Variants in TMT1A observed in about 807,000 individuals in gnomAD.
TMT1A encodes the protein thiol methyltransferase 1A.
chr12:50,931,056 A>G, the TMT1A span: 1 of 143,498 alleles, frequency 7.0e-6, no homozygotes, highest in East Asian at 2.0e-4. Flanking sequence ...CCCAAATCTT[A>G]TTTTATTCAT....
chr12:50,927,828 A>C, the TMT1A span, among the ~76,000 whole-genome samples: 1 of 152,030 alleles, frequency 6.6e-6, no homozygotes, highest in African/African-American at 2.4e-5. Flanking sequence ...GCAAATGCAA[A>C]TATTCCTTTT....
chr12:50,929,407 G>C, the TMT1A span, among the ~76,000 whole-genome samples: 1 of 152,150 alleles, frequency 6.6e-6, no homozygotes, highest in Non-Finnish European at 1.5e-5. Context: ...AAGAAGAGTG[G>C]TGCAGTTACC....
chr12:50,925,777 G>A, the TMT1A span, among the ~76,000 whole-genome samples: 2 of 151,948 alleles, frequency 1.3e-5, no homozygotes, highest in African/African-American at 2.4e-5. Flanking sequence ...AGTGGTTCAC[G>A]TCTGTAATCC....
At chr12:50,928,938 G>A in the TMT1A span, among the ~76,000 whole-genome samples, 1,242 of 152,052 alleles carry the variant, frequency 8.2e-3, 16 homozygotes, top group African/African-American at 0.028. Flanking sequence ...ATCCTATGAA[G>A]ATTTTTTTTA....
At chr12:50,925,559 G>A in the TMT1A span, 1 of 1,604,964 alleles carries the variant, frequency 6.2e-7, no homozygotes, top group Non-Finnish European at 8.5e-7. Flanking sequence ...GTGTGAGGAG[G>A]ACTAGTTAGT....
the TMT1A span, among the ~76,000 whole-genome samples, chr12:50,926,700 G>A: frequency 5.9e-5 from 9 of 152,224 alleles, no homozygotes; most frequent in African/African-American, 1.9e-4. Context: ...TAGGTAGAGC[G>A]TAGGCCCACC....
the TMT1A span, chr12:50,930,036 G>C: frequency 6.8e-6 from 11 of 1,614,024 alleles, no homozygotes; most frequent in Admixed American, 1.0e-4. Context: ...TGACCAGAGA[G>C]AGCTGGAAGG....
the TMT1A span, chr12:50,930,810 G>C: frequency 6.6e-6 from 1 of 152,222 alleles, no homozygotes; most frequent in South Asian, 2.1e-4. Context: ...TCAAATTCCT[G>C]ACCTCAGGTG....
chr12:50,928,301 C>T, the TMT1A span, among the ~76,000 whole-genome samples: 1 of 152,274 alleles, frequency 6.6e-6, no homozygotes, highest in East Asian at 1.9e-4. Flanking sequence ...CAGCTAGGTC[C>T]AGGTTCTTGT....
the TMT1A span, chr12:50,929,896 T>TTTTTTTTTTTTTTTTATG: frequency 6.4e-7 from 1 of 1,553,428 alleles, no homozygotes; most frequent in Non-Finnish European, 8.7e-7. Flanking sequence ...AATGTTTTTT[T>TTTTTTTTTTTTTTTTATG]TTTTCTTTCT....
At chr12:50,928,244 C>T in the TMT1A span, among the ~76,000 whole-genome samples, 1 of 152,224 alleles carries the variant, frequency 6.6e-6, no homozygotes. Flanking sequence ...CCATCTCCTA[C>T]CACTGGGGTT....
At chr12:50,927,419 A>G in the TMT1A span, among the ~76,000 whole-genome samples, 1 of 152,220 alleles carries the variant, frequency 6.6e-6, no homozygotes, top group Admixed American at 6.5e-5. Flanking sequence ...GTCTTGGCTC[A>G]ATATCAGAGT....
chr12:50,929,450 C>T, the TMT1A span, among the ~76,000 whole-genome samples: 2 of 152,184 alleles, frequency 1.3e-5, no homozygotes, highest in African/African-American at 4.8e-5. Context: ...TGGTCCCTTG[C>T]TCCTTACTCC....
At chr12:50,926,816 A>G in the TMT1A span, among the ~76,000 whole-genome samples, 2 of 152,202 alleles carry the variant, frequency 1.3e-5, no homozygotes, top group Non-Finnish European at 2.9e-5. Flanking sequence ...GGGGAATGGG[A>G]TTGGATTCAG....
chr12:50,928,205 A>G, the TMT1A span, among the ~76,000 whole-genome samples: 15 of 152,210 alleles, frequency 9.9e-5, no homozygotes, highest in Non-Finnish European at 1.6e-4. Context: ...CAACATTGCT[A>G]TCACTCTTGC....
At chr12:50,927,370 G>T in the TMT1A span, among the ~76,000 whole-genome samples, 1 of 152,160 alleles carries the variant, frequency 6.6e-6, no homozygotes, top group Non-Finnish European at 1.5e-5. Flanking sequence ...AGGAAGAAAA[G>T]AACTTGGAGA....
chr12:50,930,125 A>AT, the TMT1A span: 2 of 1,611,568 alleles, frequency 1.2e-6, no homozygotes, highest in Middle Eastern at 1.7e-4. Flanking sequence ...GTGCGCCCTC[A>AT]TATCTATGGA....
chr12:50,931,643 G>A, the TMT1A span: 204 of 144,664 alleles, frequency 1.4e-3, 1 homozygote, highest in African/African-American at 4.9e-3. Flanking sequence ...CCCAGAAGGC[G>A]AAGGTTGCAG....
At chr12:50,926,032 A>G in the TMT1A span, among the ~76,000 whole-genome samples, 1 of 148,688 alleles carries the variant, frequency 6.7e-6, no homozygotes, top group African/African-American at 2.5e-5. Context: ...AAAAAAAAAA[A>G]AAAAAAAGAA....
Sources: gnomAD v4.1 joint callset for allele counts (sites outside exome capture counted in the v4.1 genomes callset) on GRCh38, gnomAD v4.1.1 for gene constraint, MANE v1.5 for transcripts, NCBI Gene and HGNC (gene_info 2026-07-23, HGNC 2026-07-21) for gene names.